CSMD1: variants seen among roughly 807,000 people sequenced by gnomAD.
CSMD1 encodes CUB and Sushi multiple domains 1.
CSMD1 carries 213 observed loss-of-function variants against 417.5 expected under a neutral mutation model. The ratio of observed to expected loss-of-function variants is 0.51; its 90% CI spans 0.46 to 0.57. The LOEUF (loss-of-function observed/expected upper bound fraction) is 0.57, where lower values mean the gene tolerates loss of function less well. Ranked by LOEUF, CSMD1 falls within the 20% of genes least tolerant of loss-of-function variation. The pLI, the probability that CSMD1 is intolerant of heterozygous loss-of-function variation, is 0.00. For synonymous variants in CSMD1, 2,862 were observed against 1,736.8 expected (o/e 1.65, Z -16.11); for missense variants, 6,923 against 4,529.7 (o/e 1.53, Z -15.17).
intron 23 of CSMD1, among the ~76,000 whole-genome samples, chr8:3,336,080 A>C (rs1807243404): frequency 6.6e-6 from 1 of 152,196 alleles, no homozygotes; most frequent in Admixed American, 6.5e-5. Context: ...CTGAAGTTAG[A>C]AAAAAATCCC....
intron 2 of CSMD1, among the ~76,000 whole-genome samples, chr8:4,480,292 T>C (rs768768685): frequency 6.6e-6 from 1 of 152,118 alleles, no homozygotes; most frequent in Non-Finnish European, 1.5e-5. Flanking sequence ...CAGGATGAAT[T>C]TGCACAAATC....
At chr8:3,850,137 C>G (rs569893498) in intron 5 of CSMD1, among the ~76,000 whole-genome samples, 1 of 152,344 alleles carries the variant, frequency 6.6e-6, no homozygotes, top group Non-Finnish European at 1.5e-5. Flanking sequence ...TGTCGCCATT[C>G]TTAGGGCATA....
chr8:4,235,779 TTTTC>T (rs1802009928), intron 3 of CSMD1, among the ~76,000 whole-genome samples: 2 of 152,264 alleles, frequency 1.3e-5, no homozygotes, highest in Non-Finnish European at 2.9e-5. Flanking sequence ...CCCCTAGTCT[TTTTC>T]TTTTTTTCTT....
At chr8:2,996,767 C>G (rs954945814) in intron 54 of CSMD1, among the ~76,000 whole-genome samples, 1 of 152,246 alleles carries the variant, frequency 6.6e-6, no homozygotes, top group Non-Finnish European at 1.5e-5. Context: ...TGAAAGAGAT[C>G]ATTTCAACCC....
At chr8:3,818,384 G>A (rs1411769053) in intron 5 of CSMD1, among the ~76,000 whole-genome samples, 1 of 152,146 alleles carries the variant, frequency 6.6e-6, no homozygotes, top group Non-Finnish European at 1.5e-5. Context: ...GTTTACTCTT[G>A]GAGGGAAATC....
intron 3 of CSMD1, among the ~76,000 whole-genome samples, chr8:4,206,262 G>A (rs1434610110): frequency 2.0e-5 from 3 of 152,084 alleles, no homozygotes; most frequent in Non-Finnish European, 2.9e-5. Context: ...TGTTACATAT[G>A]TATACATGTG....
chr8:3,777,342 C>T (rs1175597558), intron 5 of CSMD1, among the ~76,000 whole-genome samples: 6 of 152,142 alleles, frequency 3.9e-5, no homozygotes, highest in African/African-American at 1.4e-4. Context: ...CACAGTGCTC[C>T]AGACAGCAGT....
chr8:3,626,135 T>C (rs779116504), intron 7 of CSMD1, among the ~76,000 whole-genome samples: 3 of 152,178 alleles, frequency 2.0e-5, no homozygotes, highest in Admixed American at 6.5e-5. Flanking sequence ...TTCACCGGAA[T>C]GTATATTGGC....
chr8:3,435,271 T>G (rs182608504), intron 12 of CSMD1, among the ~76,000 whole-genome samples: 1 of 149,586 alleles, frequency 6.7e-6, no homozygotes, highest in East Asian at 1.9e-4. Flanking sequence ...GTGTTTTCAC[T>G]GCACATATTT....
chr8:4,054,135 T>C (rs1370752532), intron 3 of CSMD1, among the ~76,000 whole-genome samples: 1 of 152,166 alleles, frequency 6.6e-6, no homozygotes, highest in South Asian at 2.1e-4. Context: ...TCCACTTTTT[T>C]CTATGTAAGT....
chr8:3,753,729 T>A (rs766271973), intron 6 of CSMD1, among the ~76,000 whole-genome samples: 5 of 152,186 alleles, frequency 3.3e-5, no homozygotes, highest in Non-Finnish European at 5.9e-5. Context: ...ACTATACATA[T>A]CCTGTATACT....
intron 3 of CSMD1, among the ~76,000 whole-genome samples, chr8:4,122,080 T>C (rs1469357824): frequency 6.6e-6 from 1 of 152,042 alleles, no homozygotes; most frequent in Non-Finnish European, 1.5e-5. Flanking sequence ...AAAATATATA[T>C]CAATATCATA....
chr8:4,347,059 C>T (rs1347134306), intron 3 of CSMD1, among the ~76,000 whole-genome samples: 1 of 152,130 alleles, frequency 6.6e-6, no homozygotes, highest in Admixed American at 6.6e-5. Context: ...AGACCAGAGA[C>T]ACCTTTGACC....
At chr8:4,021,575 T>A (rs1796790486) in intron 4 of CSMD1, among the ~76,000 whole-genome samples, 1 of 152,194 alleles carries the variant, frequency 6.6e-6, no homozygotes, top group South Asian at 2.1e-4. Flanking sequence ...GGGATCATCC[T>A]CATGCTAAGT....
At chr8:3,140,583 C>A (rs1818377707) in intron 41 of CSMD1, among the ~76,000 whole-genome samples, 1 of 151,846 alleles carries the variant, frequency 6.6e-6, no homozygotes. Context: ...AAGTCTGTGT[C>A]TATATTTTAT....
intron 11 of CSMD1, among the ~76,000 whole-genome samples, chr8:3,476,331 A>C (rs1817419400): frequency 6.6e-6 from 1 of 152,228 alleles, no homozygotes; most frequent in South Asian, 2.1e-4. Flanking sequence ...TCTTATAAAA[A>C]TATACATGTG....
chr8:3,811,822 G>A (rs1359574826), intron 5 of CSMD1, among the ~76,000 whole-genome samples: 1 of 152,154 alleles, frequency 6.6e-6, no homozygotes, highest in Non-Finnish European at 1.5e-5. Flanking sequence ...GCAACTTTAA[G>A]GGTGTTCATC....
intron 6 of CSMD1, among the ~76,000 whole-genome samples, chr8:3,721,655 T>C (rs975605777): frequency 6.6e-6 from 1 of 152,228 alleles, no homozygotes; most frequent in South Asian, 2.1e-4. Flanking sequence ...TTTTGCTGTT[T>C]TCCTCCTCAT....
intron 1 of CSMD1, among the ~76,000 whole-genome samples, chr8:4,732,166 C>T (rs1037115991): frequency 1.3e-5 from 2 of 152,058 alleles, no homozygotes; most frequent in Admixed American, 1.3e-4. Flanking sequence ...ACCCAGTGTG[C>T]AAAAGCGTTC....
Sources: allele counts gnomAD v4.1 joint callset (sites outside exome capture counted in the v4.1 genomes callset), GRCh38; gene constraint gnomAD v4.1.1; transcripts MANE v1.5; gene names NCBI Gene and HGNC (gene_info 2026-07-23, HGNC 2026-07-21).